The following RAD51B variants were observed in gnomAD, a reference collection of about 807,000 sequenced individuals.
RAD51B encodes DNA repair protein RAD51 homolog 2.
In RAD51B, 38 loss-of-function variants were observed where a neutral mutation model predicts 42.2. That is an observed-to-expected ratio of 0.90 (90% CI 0.70 to 1.18). RAD51B has a LOEUF of 1.18. Ranked by LOEUF, RAD51B falls within the 50% of genes most tolerant of loss-of-function variation. RAD51B has a pLI of 0.00. For synonymous variants in RAD51B, 154 were observed against 145.2 expected (o/e 1.06, Z -0.43); for missense variants, 373 against 400.7 (o/e 0.93, Z 0.59).
intron 8 of RAD51B, among the ~76,000 whole-genome samples, chr14:68,355,218 G>A (rs1348448954): frequency 6.6e-6 from 1 of 152,066 alleles, no homozygotes; most frequent in Non-Finnish European, 1.5e-5. Context: ...AGACATATTT[G>A]TTTGTTAACT....
intron 7 of RAD51B, among the ~76,000 whole-genome samples, chr14:67,889,546 AATATATAAAT>A (rs2043157633): frequency 2.0e-5 from 3 of 148,332 alleles, no homozygotes; most frequent in Non-Finnish European, 4.5e-5. Flanking sequence ...ATATAATAAA[AATATATAAAT>A]ATATAAAATG....
chr14:68,530,291 A>T (rs10133625), intron 10 of RAD51B, among the ~76,000 whole-genome samples: 90,922 of 150,880 alleles, frequency 0.6, 28,882 homozygotes, highest in Non-Finnish European at 0.71. Flanking sequence ...AAAAAATTTA[A>T]AAAAAAAATG....
chr14:68,617,146 G>C (rs1447474204), intron 10 of RAD51B, among the ~76,000 whole-genome samples: 1 of 152,016 alleles, frequency 6.6e-6, no homozygotes. Context: ...TTAGATGTTG[G>C]ATATTTTAAA....
At chr14:68,602,506 C>CTAGATAGCTAGATAGA (rs1891262466) in intron 10 of RAD51B, among the ~76,000 whole-genome samples, 1 of 148,904 alleles carries the variant, frequency 6.7e-6, no homozygotes, top group African/African-American at 2.5e-5. Flanking sequence ...GGATGGATAG[C>CTAGATAGCTAGATAGA]TAGATAGATA....
intron 10 of RAD51B, among the ~76,000 whole-genome samples, chr14:68,569,064 A>G (rs754176552): frequency 2.4e-4 from 37 of 152,114 alleles, no homozygotes; most frequent in African/African-American, 3.6e-4. Flanking sequence ...CTGAGGCCCA[A>G]TGTTGTGGTT....
chr14:68,190,481 C>T (rs1014215589), intron 7 of RAD51B, among the ~76,000 whole-genome samples: 1 of 152,140 alleles, frequency 6.6e-6, no homozygotes, highest in African/African-American at 2.4e-5. Flanking sequence ...AAATGGACAT[C>T]TTTTCCTACT....
In RAD51B at chr14:68,562,998, A is replaced by G. The variant is rs150210717; in HGVS notation, c.1037-31487A>G. The G allele has an allele frequency of 1.2e-4, 116 of 985,454 alleles. No homozygotes were observed. In the African/African-American group the frequency reaches 1.9e-3, roughly 16 times the overall value. 61.0% of individuals were successfully genotyped at this position (985,454 alleles called of 1,614,324 possible). On this transcript the variant is annotated intron_variant, in intron 10 of 10. Coordinates refer to the RAD51B transcript ENST00000487270. ...GGCCCGGGCTGCTGCCGGTCCCTCCAGAGTTCACGGCTGGGCATGATGAGA... is the reference window on the plus strand; with the variant it reads ...GGCCCGGGCTGCTGCCGGTCCCTCCGGAGTTCACGGCTGGGCATGATGAGA...
chr14:68,258,397 T>TAC (rs1555382610), intron 7 of RAD51B, among the ~76,000 whole-genome samples: 2 of 150,638 alleles, frequency 1.3e-5, no homozygotes, highest in Admixed American at 6.6e-5. Flanking sequence ...CCTGTCTCTA[T>TAC]ACACACACAC....
At chr14:68,497,601 A>G in intron 10 of RAD51B, 1 of 862,312 alleles carries the variant, frequency 1.2e-6, no homozygotes, top group Non-Finnish European at 1.4e-6. Flanking sequence ...AGATATCATG[A>G]TGTGCAACCA....
At chr14:68,140,197 G>A (rs1383298994) in intron 7 of RAD51B, among the ~76,000 whole-genome samples, 1 of 152,178 alleles carries the variant, frequency 6.6e-6, no homozygotes, top group African/African-American at 2.4e-5. Context: ...TAAAGGAGTT[G>A]GCATCAATTT....
chr14:67,945,034 G>A (rs773444271), intron 7 of RAD51B, among the ~76,000 whole-genome samples: 1 of 152,124 alleles, frequency 6.6e-6, no homozygotes, highest in Non-Finnish European at 1.5e-5. Context: ...TGTTTTAGTT[G>A]TACTCCCTGT....
At chr14:68,632,130 A>T (rs1053468706) in intron 10 of RAD51B, among the ~76,000 whole-genome samples, 2 of 152,160 alleles carry the variant, frequency 1.3e-5, no homozygotes, top group Non-Finnish European at 2.9e-5. Context: ...TTTCTTCTCC[A>T]GAAGCCAAAC....
intron 10 of RAD51B, among the ~76,000 whole-genome samples, chr14:68,644,959 G>GACCC (rs1329862297): frequency 2.0e-5 from 3 of 152,136 alleles, no homozygotes; most frequent in African/African-American, 7.2e-5. Flanking sequence ...TACTCAGTTT[G>GACCC]TTGGTTTGTT....
rs186126409 is a variant in RAD51B at position 68,578,655 on chromosome 14, T to C, written c.1037-15830T>C. Reference sequence around the variant, plus strand: ...ACTCACAGGCAAAGGGCCCTTATAATGATATAAAGGAGACCAAGTTGGAAG... The same window carrying C: ...ACTCACAGGCAAAGGGCCCTTATAACGATATAAAGGAGACCAAGTTGGAAG... On this transcript the variant is annotated intron_variant, in intron 10 of 10. Coordinates refer to the RAD51B transcript ENST00000487270. 3.9e-5 allele frequency among the ~76,000 whole-genome samples: 6 copies of C among 152,144 alleles called. No homozygotes were observed. The East Asian group carries it at 1.2e-3, about 29-fold the overall frequency.
intron 10 of RAD51B, among the ~76,000 whole-genome samples, chr14:68,512,540 C>T (rs1284426915): frequency 2.6e-5 from 4 of 152,146 alleles, no homozygotes; most frequent in East Asian, 1.9e-4. Flanking sequence ...CATGGAAGTG[C>T]GGGTCTGTGT....
intron 7 of RAD51B, among the ~76,000 whole-genome samples, chr14:68,123,701 G>A (rs1028829808): frequency 1.3e-5 from 2 of 152,032 alleles, no homozygotes; most frequent in Non-Finnish European, 2.9e-5. Context: ...CCAGCTACTC[G>A]GGAGGCTGAG....
At chr14:68,125,074 A>T (rs1431669393) in intron 7 of RAD51B, 1 of 152,158 alleles carries the variant, frequency 6.6e-6, no homozygotes, top group Non-Finnish European at 1.5e-5. Context: ...TACATCAGGG[A>T]GTCATATGCT....
At chr14:68,602,526 A>C (rs565279411) in intron 10 of RAD51B, among the ~76,000 whole-genome samples, 4,257 of 146,196 alleles carry the variant, frequency 0.029, 82 homozygotes, top group Non-Finnish European at 0.046. Context: ...AGCTAGCTAG[A>C]TAGATAGATA....
chr14:68,265,430 AC>A (rs922585989), intron 7 of RAD51B, among the ~76,000 whole-genome samples: 4 of 152,184 alleles, frequency 2.6e-5, no homozygotes, highest in Admixed American at 1.3e-4. Context: ...ATGCTCCCAG[AC>A]CAGTGGGGCA....
Sources: allele counts gnomAD v4.1 joint callset (sites outside exome capture counted in the v4.1 genomes callset), GRCh38; gene constraint gnomAD v4.1.1; transcripts MANE v1.5; gene names NCBI Gene and HGNC (gene_info 2026-07-23, HGNC 2026-07-21).